The following GPR176 variants were observed in gnomAD, a reference collection of about 807,000 sequenced individuals.
The protein encoded by GPR176 is G protein-coupled receptor 176.
In GPR176, 26 loss-of-function variants were observed where a neutral mutation model predicts 35.4. That is an observed-to-expected ratio of 0.74 (90% CI 0.54 to 1.02). GPR176 has a LOEUF of 1.02. GPR176 is among the 50% of genes least tolerant of loss of function. GPR176 has a pLI of 0.00. For synonymous variants in GPR176, 278 were observed against 271.3 expected, an observed-to-expected ratio of 1.02 and a Z score of -0.24; for missense variants, 597 against 665.3, an observed-to-expected ratio of 0.90 and a Z score of 1.13.
chr15:39,876,394 C>A (rs576923490), intron 1 of GPR176, among the ~76,000 whole-genome samples: 1 of 152,140 alleles, frequency 6.6e-6, no homozygotes, highest in South Asian at 2.1e-4. Context: ...CTCTTGTGCA[C>A]AGCGAACTAA....
At chr15:39,808,521 T>G (rs1467327816) in intron 1 of GPR176, among the ~76,000 whole-genome samples, 1 of 152,236 alleles carries the variant, frequency 6.6e-6, no homozygotes, top group Non-Finnish European at 1.5e-5. Flanking sequence ...AACCATTATT[T>G]TATTTTAAAC....
intron 1 of GPR176, among the ~76,000 whole-genome samples, chr15:39,902,659 C>G (rs779091348): frequency 1.3e-5 from 2 of 152,216 alleles, no homozygotes; most frequent in African/African-American, 4.8e-5. Context: ...CTCGCTTGAA[C>G]TCTGTGTTCC....
intron 1 of GPR176, among the ~76,000 whole-genome samples, chr15:39,863,236 G>A (rs889684196): frequency 4.6e-5 from 7 of 151,430 alleles, no homozygotes; most frequent in African/African-American, 9.7e-5. Flanking sequence ...ACATCACCAC[G>A]CCTGGCTAAT....
At chr15:39,907,970 G>GT (rs1264189057) in intron 1 of GPR176, among the ~76,000 whole-genome samples, 5 of 152,178 alleles carry the variant, frequency 3.3e-5, no homozygotes, top group African/African-American at 1.2e-4. Context: ...AGGTGAAAGA[G>GT]TGAGACCCTG....
At chr15:39,829,150 G>C (rs1462424771) in intron 1 of GPR176, 1 of 1,523,678 alleles carries the variant, frequency 6.6e-7, no homozygotes, top group Admixed American at 2.0e-5. Context: ...CAGAGCCTGG[G>C]ATGTGATCAC....
intron 1 of GPR176, among the ~76,000 whole-genome samples, chr15:39,856,242 T>C (rs973001717): frequency 6.6e-6 from 1 of 152,212 alleles, no homozygotes; most frequent in Non-Finnish European, 1.5e-5. Flanking sequence ...CCACACACCT[T>C]TACCATACGC....
At chr15:39,847,700 A>T (rs656270) in intron 1 of GPR176, among the ~76,000 whole-genome samples, 2 of 145,354 alleles carry the variant, frequency 1.4e-5, no homozygotes, top group South Asian at 2.2e-4. Flanking sequence ...CCGAGATCAC[A>T]CCACTGCACT....
chr15:39,827,837 T>C (rs995680621), intron 1 of GPR176, among the ~76,000 whole-genome samples: 1 of 152,218 alleles, frequency 6.6e-6, no homozygotes, highest in Non-Finnish European at 1.5e-5. Context: ...AATCAATGTA[T>C]AAAGTTGTGT....
At chr15:39,870,490 T>C (rs955168127) in intron 1 of GPR176, among the ~76,000 whole-genome samples, 1 of 152,240 alleles carries the variant, frequency 6.6e-6, no homozygotes, top group African/African-American at 2.4e-5. Flanking sequence ...CAGTACTTTA[T>C]TGATAACAGA....
At chr15:39,898,265 C>T (rs275724) in intron 1 of GPR176, among the ~76,000 whole-genome samples, 83 of 151,794 alleles carry the variant, frequency 5.5e-4, no homozygotes, top group African/African-American at 1.8e-3. Flanking sequence ...ACAAGATTTA[C>T]GGTGACTTTG....
At chr15:39,904,804 T>C (rs2033375855) in intron 1 of GPR176, among the ~76,000 whole-genome samples, 1 of 152,110 alleles carries the variant, frequency 6.6e-6, no homozygotes, top group South Asian at 2.1e-4. Context: ...TGGCATGGGG[T>C]CACGTCAGGG....
rs373041728 is a variant in GPR176, at chr15:39,823,638, C to A, written c.173-16380G>T. Among the ~76,000 whole-genome samples, 4 of 152,302 alleles carry A rather than the reference C, an allele frequency of 2.6e-5. 1 individual carries two copies. On this transcript the variant is annotated intron_variant, in intron 1 of 2. Coordinates refer to ENST00000561100, the MANE Select transcript of GPR176 (RefSeq NM_007223.3). The stretch of plus-strand genomic sequence containing the variant: ...ACACATTCTCCACACCACAACCAGA[C>A]CAACAATTTTAACAGCAGTTAGGAA...
chr15:39,885,291 G>A (rs2032632914), intron 1 of GPR176, among the ~76,000 whole-genome samples: 1 of 152,226 alleles, frequency 6.6e-6, no homozygotes, highest in African/African-American at 2.4e-5. Flanking sequence ...TCAACAGAGT[G>A]TGTTTCCTGC....
Position 39,802,265 on chromosome 15 carries a change from C to T in GPR176, c.426-11G>A, listed in dbSNP as rs759203520. 6.4e-7 allele frequency: 1 copy of T among 1,552,374 alleles called. No homozygotes were observed. The highest frequency in any genetic ancestry group is 1.2e-5 in the South Asian group (1 of 83,198). On this transcript the variant is annotated splice_polypyrimidine_tract_variant and intron_variant, in intron 2 of 2. Transcript: ENST00000561100. ...AGGACTGAGTAGTACCTGCAAGATA[C>T]ACAAACAAAATTAATTCCACAGAAG...
intron 1 of GPR176, among the ~76,000 whole-genome samples, chr15:39,809,310 A>G (rs76005654): frequency 2.0e-5 from 3 of 152,174 alleles, no homozygotes; most frequent in Admixed American, 6.5e-5. Context: ...AAGAACCTGA[A>G]TTGGATGAAC....
intron 1 of GPR176, among the ~76,000 whole-genome samples, chr15:39,827,073 T>C (rs1431049671): frequency 6.6e-6 from 1 of 152,128 alleles, no homozygotes; most frequent in Non-Finnish European, 1.5e-5. Flanking sequence ...CTGGAGGCTA[T>C]GCTAAAAACA....
rs1172061544 is a variant in GPR176, at chr15:39,869,384, G to A, written c.172+50471C>T. Among the ~76,000 whole-genome samples the A allele has an allele frequency of 3.3e-5, 5 of 152,260 alleles. No homozygotes were observed. The East Asian group carries it at 7.7e-4, about 23-fold the overall frequency. ...AGCAGTTGAAGCCACAAGAGGCAAT[G>A]GCAAGGTGCTCATGACATCGCTACC... On this transcript the variant is annotated intron_variant, in intron 1 of 2. Transcript: ENST00000561100.
At chr15:39,859,136 A>T (rs2031429879) in intron 1 of GPR176, among the ~76,000 whole-genome samples, 1 of 152,214 alleles carries the variant, frequency 6.6e-6, no homozygotes, top group Admixed American at 6.5e-5. Flanking sequence ...ACTAGGATAG[A>T]AAAATCTTTA....
intron 1 of GPR176, among the ~76,000 whole-genome samples, chr15:39,898,801 G>C (rs549545780): frequency 5.0e-4 from 76 of 152,224 alleles, no homozygotes; most frequent in African/African-American, 1.8e-3. Flanking sequence ...TAAAATTTAA[G>C]GCTGCTCTTC....
Sources: allele counts gnomAD v4.1 joint callset (sites outside exome capture counted in the v4.1 genomes callset), GRCh38; gene constraint gnomAD v4.1.1; transcripts MANE v1.5; gene names NCBI Gene and HGNC (gene_info 2026-07-23, HGNC 2026-07-21).